The following ANGPT1 variants were observed in gnomAD, a reference collection of about 807,000 sequenced individuals.
ANGPT1 encodes the protein angiopoietin 1.
ANGPT1 carries 17 observed loss-of-function variants against 62.2 expected under a neutral mutation model. The observed-to-expected ratio is 0.27, with a 90% CI of 0.19 to 0.41. ANGPT1 has a LOEUF of 0.41. ANGPT1 is among the 10% of genes least tolerant of loss of function. The pLI is 1.00. For synonymous variants in ANGPT1, 199 were observed against 198.9 expected, an observed-to-expected ratio of 1.00 and a Z score of 0.00; for missense variants, 478 against 594.9, an observed-to-expected ratio of 0.80 and a Z score of 2.04.
intron 1 of ANGPT1, among the ~76,000 whole-genome samples, chr8:107,496,351 C>T (rs1255412064): frequency 1.3e-5 from 2 of 152,116 alleles, no homozygotes; most frequent in East Asian, 3.9e-4. Flanking sequence ...TTATCTTCAA[C>T]AAAAACTTAA....
At chr8:107,469,653 G>C (rs534284875) in intron 1 of ANGPT1, among the ~76,000 whole-genome samples, 1 of 152,020 alleles carries the variant, frequency 6.6e-6, no homozygotes, top group African/African-American at 2.4e-5. Context: ...TCTTTGAAAA[G>C]AAAGAATAGC....
chr8:107,336,304 C>T (rs1815558964), intron 2 of ANGPT1, 33 bp from the exon 3 acceptor site: 3 of 1,557,078 alleles, frequency 1.9e-6, no homozygotes, highest in East Asian at 4.7e-5. Flanking sequence ...TTTCAAACTT[C>T]AGTCACGAAT....
rs1014037826 is a variant in ANGPT1, at chr8:107,249,777, T to C, written c.*2078A>G. On this transcript the variant is annotated 3_prime_UTR_variant, in exon 9 of 9. Transcript: ENST00000517746. ...AATATCATGCTTTCTTTTTTTATTATTTTATTTTGTTTTTGTAATATGAGT... is the reference window on the plus strand; with the variant it reads ...AATATCATGCTTTCTTTTTTTATTACTTTATTTTGTTTTTGTAATATGAGT... 6.6e-6 allele frequency: 1 copy of C among 152,226 alleles called. No homozygotes were observed. Among genetic ancestry groups the C allele is most frequent in the Non-Finnish European group, 1.5e-5 (1 of 68,014 alleles). The allele number at this position is 152,226 out of a possible 1,614,324, so 9.4% of individuals were successfully genotyped here.
At chr8:107,377,285 C>T (rs539405979) in intron 1 of ANGPT1, among the ~76,000 whole-genome samples, 2 of 152,262 alleles carry the variant, frequency 1.3e-5, no homozygotes, top group East Asian at 1.9e-4. Flanking sequence ...AATAAACATA[C>T]TGGACATTTT....
At chr8:107,476,008 A>G (rs1468380939) in intron 1 of ANGPT1, among the ~76,000 whole-genome samples, 1 of 152,222 alleles carries the variant, frequency 6.6e-6, no homozygotes, top group African/African-American at 2.4e-5. Flanking sequence ...TAGTTCAACC[A>G]TTGTGGAAGA....
intron 1 of ANGPT1, among the ~76,000 whole-genome samples, chr8:107,451,544 A>C (rs780951428): frequency 6.6e-6 from 1 of 151,958 alleles, no homozygotes; most frequent in East Asian, 1.9e-4. Flanking sequence ...CTATATCCAT[A>C]TGGTGACATT....
At chr8:107,342,553 A>T (rs531930316) in intron 2 of ANGPT1, among the ~76,000 whole-genome samples, 1 of 152,294 alleles carries the variant, frequency 6.6e-6, no homozygotes, top group Admixed American at 6.5e-5. Context: ...GAATGAGTGC[A>T]GCTGTGTCCA....
chr8:107,466,755 T>C (rs1812209265), intron 1 of ANGPT1, among the ~76,000 whole-genome samples: 1 of 151,932 alleles, frequency 6.6e-6, no homozygotes. Context: ...CTACTAAAAA[T>C]ACAAAACCTA....
intron 1 of ANGPT1, among the ~76,000 whole-genome samples, chr8:107,405,683 C>T (rs191579428): frequency 1.5e-4 from 23 of 151,902 alleles, no homozygotes; most frequent in East Asian, 3.9e-4. Context: ...AAATCTGAAA[C>T]GCTCCTGGTC....
intron 8 of ANGPT1, among the ~76,000 whole-genome samples, chr8:107,260,063 T>G (rs138737173): frequency 0.032 from 4,799 of 152,250 alleles, 241 homozygotes; most frequent in African/African-American, 0.11. Context: ...ATTTGTTTAA[T>G]AGTAATTAAC....
At chr8:107,479,968 T>C (rs1812632472) in intron 1 of ANGPT1, among the ~76,000 whole-genome samples, 2 of 152,304 alleles carry the variant, frequency 1.3e-5, no homozygotes, top group Admixed American at 6.5e-5. Flanking sequence ...AATAGTTAAC[T>C]TTTTGAGAAT....
chr8:107,324,488 C>T (rs1460801866), intron 3 of ANGPT1, among the ~76,000 whole-genome samples: 1 of 152,090 alleles, frequency 6.6e-6, no homozygotes, highest in Non-Finnish European at 1.5e-5. Context: ...GGCCTGGAAC[C>T]GAGTCTTCCC....
intron 1 of ANGPT1, among the ~76,000 whole-genome samples, chr8:107,470,408 G>A (rs1812321163): frequency 6.6e-6 from 1 of 152,016 alleles, no homozygotes; most frequent in Admixed American, 6.6e-5. Flanking sequence ...TACTGCAGGA[G>A]GATAATAGAA....
chr8:107,393,295 G>C (rs1340794067), intron 1 of ANGPT1, among the ~76,000 whole-genome samples: 1 of 152,102 alleles, frequency 6.6e-6, no homozygotes, highest in African/African-American at 2.4e-5. Flanking sequence ...GCTTGAGAGG[G>C]GGAGAGGGGA....
chr8:107,354,768 T>G (rs1816005723), intron 1 of ANGPT1, among the ~76,000 whole-genome samples: 1 of 152,182 alleles, frequency 6.6e-6, no homozygotes, highest in South Asian at 2.1e-4. Context: ...TTCCTTGTCT[T>G]TCTCCAACAC....
Position 107,251,961 on chromosome 8 carries a change from G to T in ANGPT1, c.1391C>A (p.Ala464Glu), listed in dbSNP as rs765706787. The change falls in exon 9 of 9, where the codon GCG becomes GAG. Residue 464 changes from alanine to glutamate, a missense_variant. Around this residue, in one of 4 missense-constraint regions of ANGPT1, gnomAD observed 35 missense variants for 49.6 expected, o/e 0.71. Transcript: ENST00000517746. ...PSNLNGMFYT[A>E]GQNHGKLNGI... ...ATTCAGTTTTCCATGGTTTTGTCCCGCAGTATAGAACATTCCATTTAGATT... is the reference window on the plus strand; with the variant it reads ...ATTCAGTTTTCCATGGTTTTGTCCCTCAGTATAGAACATTCCATTTAGATT... 1.2e-6 allele frequency: 2 copies of T among 1,613,796 alleles called. No individual in the cohort carries two copies. Among genetic ancestry groups the T allele is most frequent in the South Asian group, 1.1e-5 (1 of 91,066 alleles).
At chr8:107,325,360 G>A (rs1815262393) in intron 3 of ANGPT1, among the ~76,000 whole-genome samples, 1 of 152,160 alleles carries the variant, frequency 6.6e-6, no homozygotes, top group Non-Finnish European at 1.5e-5. Flanking sequence ...ATAATTTAGA[G>A]TTGTTAACTT....
At chr8:107,462,821 A>G (rs529048585) in intron 1 of ANGPT1, among the ~76,000 whole-genome samples, 3 of 152,252 alleles carry the variant, frequency 2.0e-5, no homozygotes, top group Admixed American at 2.0e-4. Context: ...TCCAAAAACA[A>G]ACAAACAAAA....
At chr8:107,403,337 T>C (rs1291672423) in intron 1 of ANGPT1, among the ~76,000 whole-genome samples, 1 of 152,108 alleles carries the variant, frequency 6.6e-6, no homozygotes, top group East Asian at 1.9e-4. Context: ...GTTTGGGGAC[T>C]CATACCTACA....
Sources: gnomAD v4.1 joint callset for allele counts (sites outside exome capture counted in the v4.1 genomes callset) on GRCh38, gnomAD v4.1.1 for gene constraint, gnomAD v4.1.1 regional missense constraint, MANE v1.5 for transcripts, NCBI Gene and HGNC (gene_info 2026-07-23, HGNC 2026-07-21) for gene names.